BICD2: variants seen among roughly 807,000 people sequenced by gnomAD.
BICD2 encodes protein bicaudal D homolog 2.
A neutral mutation model predicts 72.9 loss-of-function variants in BICD2; 25 were observed. The ratio of observed to expected loss-of-function variants is 0.34; its 90% CI spans 0.25 to 0.48. The LOEUF (loss-of-function observed/expected upper bound fraction) is 0.48, where lower values mean the gene tolerates loss of function less well. Among genes scored for constraint, BICD2 ranks in the 20% least tolerant of loss-of-function variants. The pLI is 0.99. For synonymous variants in BICD2, 501 were observed against 516.1 expected, an observed-to-expected ratio of 0.97 and a Z score of 0.40; for missense variants, 894 against 1,175.2, an observed-to-expected ratio of 0.76 and a Z score of 3.50.
At chr9:92,747,384 C>G (rs796239636) in intron 1 of BICD2, among the ~76,000 whole-genome samples, 1 of 152,190 alleles carries the variant, frequency 6.6e-6, no homozygotes, top group East Asian at 1.9e-4. Flanking sequence ...GGTCTGCATG[C>G]TGGTATGCTT....
chr9:92,759,641 G>A (rs1854330644), intron 1 of BICD2, among the ~76,000 whole-genome samples: 2 of 152,204 alleles, frequency 1.3e-5, no homozygotes, highest in African/African-American at 2.4e-5. Context: ...CGGCTTCAGA[G>A]GCCACACTCT....
At chr9:92,733,782 A>T (rs1379014575) in intron 1 of BICD2, among the ~76,000 whole-genome samples, 1 of 152,076 alleles carries the variant, frequency 6.6e-6, no homozygotes, top group African/African-American at 2.4e-5. Context: ...CCTGGCTAAC[A>T]CAGTGAAACC....
rs1194853459 is a variant in BICD2, at chr9:92,718,549, G to A, written c.2096C>T (p.Ala699Val). ...TGCCTGGCACCTCACCTGCTTGTTG[G>A]CCTTGAGCACAGTGCGCAGCGTGGT... ...QITTLRTVLK[A>V]NKQTAEVALA... The change falls in exon 5 of 7, where the codon GCC becomes GTC. Residue 699 changes from alanine (A) to valine (V), a missense_variant. Ala to Val is a moderately conservative substitution (Grantham distance 64). Transcript: ENST00000356884. 6.2e-7 allele frequency: 1 copy of A among 1,608,400 alleles called. No individual in the cohort carries two copies. The highest frequency in any genetic ancestry group is 8.5e-7 in the Non-Finnish European group (1 of 1,177,066).
chr9:92,727,209 G>A (rs1443122377), intron 2 of BICD2, among the ~76,000 whole-genome samples: 9 of 152,252 alleles, frequency 5.9e-5, no homozygotes, highest in East Asian at 1.9e-4. Context: ...TGCTGACCCC[G>A]AGGGCAGCAT....
intron 1 of BICD2, among the ~76,000 whole-genome samples, chr9:92,730,176 C>T (rs1853652890): frequency 6.6e-6 from 1 of 152,166 alleles, no homozygotes; most frequent in African/African-American, 2.4e-5. Flanking sequence ...TGTGTCACCC[C>T]CAGCAGCCCG....
chr9:92,748,907 G>A (rs925979489), intron 1 of BICD2, among the ~76,000 whole-genome samples: 6 of 152,240 alleles, frequency 3.9e-5, no homozygotes, highest in African/African-American at 1.4e-4. Context: ...TCATCTGAGT[G>A]GGACCATAAG....
chr9:92,751,426 G>A (rs907922475), intron 1 of BICD2, among the ~76,000 whole-genome samples: 1 of 152,140 alleles, frequency 6.6e-6, no homozygotes, highest in South Asian at 2.1e-4. Flanking sequence ...TTACAGGTGT[G>A]AGCCACTGAG....
At position 92,719,243 on chromosome 9, in the gene BICD2, C is replaced by T. The variant is rs753729502; in HGVS notation, c.1402G>A (p.Ala468Thr). Residue 468 changes from alanine to threonine, a missense_variant, in exon 5 of 7, where the codon GCC becomes ACC. This residue lies in a region of BICD2 where 371 missense variants were observed against 439.1 expected (regional missense o/e 0.84). Coordinates refer to ENST00000356884, the MANE Select transcript of BICD2 (RefSeq NM_001003800.2). ...STHEAREAQH[A>T]EEKGRYEAEG... ...GCCTCATAGCGGCCCTTCTCCTCGG[C>T]GTGCTGGGCCTCACGAGCCTCGTGC... 1.8e-5 allele frequency: 29 copies of T among 1,612,666 alleles called. No homozygotes were observed. The highest frequency in any genetic ancestry group is 2.4e-5 in the Non-Finnish European group (28 of 1,179,984).
At chr9:92,735,801 G>T (rs1853777052) in intron 1 of BICD2, among the ~76,000 whole-genome samples, 1 of 152,180 alleles carries the variant, frequency 6.6e-6, no homozygotes, top group African/African-American at 2.4e-5. Context: ...TGGGTCTGGA[G>T]TCACTGGGAC....
chr9:92,726,345 G>A (rs1366952948), intron 2 of BICD2, among the ~76,000 whole-genome samples: 1 of 152,074 alleles, frequency 6.6e-6, no homozygotes, highest in East Asian at 1.9e-4. Context: ...TTGACCCAAG[G>A]GAGGAAAAAA....
chr9:92,763,125 C>T (rs1854405051), intron 1 of BICD2, among the ~76,000 whole-genome samples: 4 of 152,146 alleles, frequency 2.6e-5, no homozygotes, highest in Admixed American at 2.6e-4. Flanking sequence ...TGGGGGAGGA[C>T]CCAGCTCCTG....
Position 92,714,015 on chromosome 9 carries a change from G to A in BICD2, c.*1139C>T. 1 of 986,814 alleles carries A rather than the reference G, an allele frequency of 1.0e-6. No individual in the cohort carries two copies. The highest frequency in any genetic ancestry group is 1.2e-6 in the Non-Finnish European group (1 of 830,860). 61.1% of individuals were successfully genotyped at this position (986,814 alleles called of 1,614,324 possible). On this transcript the variant is annotated 3_prime_UTR_variant, in exon 7 of 7. Transcript: ENST00000356884. The stretch of plus-strand genomic sequence containing the variant: ...TGAGAAAAGTTCTGCTCAGAATGTG[G>A]GAAGGCAGGTGTGGATGGAGCCTCT...
At chr9:92,760,125 C>A (rs1163909917) in intron 1 of BICD2, among the ~76,000 whole-genome samples, 1 of 152,166 alleles carries the variant, frequency 6.6e-6, no homozygotes, top group Non-Finnish European at 1.5e-5. Flanking sequence ...GGCCCAGACT[C>A]CCCCTGTGGA....
At position 92,719,566 on chromosome 9, in the gene BICD2, G is replaced by A. The variant is rs587777884; in HGVS notation, c.1079C>T (p.Ala360Val). 2.9e-5 allele frequency: 46 copies of A among 1,604,082 alleles called. No individual in the cohort carries two copies. The highest frequency in any genetic ancestry group is 2.5e-4 in the South Asian group (23 of 90,402). ...GTCCTGCAGCGTTGCCAGCAGGCCC[G>A]CCTTTTCCCGCTCCATCTGCAAAGG... is the stretch of plus-strand genomic sequence containing the variant. ...QQLMQMEREKAGLLATLQDTQ... is the reference protein window; with the variant it reads ...QQLMQMEREKVGLLATLQDTQ... The change falls in exon 5 of 7, where the codon GCG becomes GTG. Residue 360 changes from alanine to valine, a missense_variant. Physicochemically the swap from Ala to Val is moderately conservative, Grantham distance 64 (BLOSUM62 0). This residue lies in a region of BICD2 where 371 missense variants were observed against 439.1 expected (regional missense o/e 0.84). Coordinates refer to ENST00000356884, the MANE Select transcript of BICD2 (RefSeq NM_001003800.2).
intron 1 of BICD2, among the ~76,000 whole-genome samples, chr9:92,748,461 T>G (rs1202136873): frequency 6.6e-6 from 1 of 152,120 alleles, no homozygotes; most frequent in Non-Finnish European, 1.5e-5. Context: ...TTAGAATTTT[T>G]GAAAGTCCCC....
chr9:92,711,977 TTC>T lies in BICD2; in HGVS notation c.*3175_*3176del, dbSNP rs767276832. ...TGGTTTGCTAAGGAGTTTTAATGAG[TTC>T]TGTTTCCTGAAATTAACAGTGATTA... On this transcript the variant is annotated 3_prime_UTR_variant, in exon 7 of 7. Coordinates refer to ENST00000356884, the MANE Select transcript of BICD2 (RefSeq NM_001003800.2). 3.9e-5 allele frequency: 6 copies of T among 152,510 alleles called. No homozygotes were observed. Among genetic ancestry groups the T allele is most frequent in the Non-Finnish European group, 5.9e-5 (4 of 68,018 alleles). The allele number at this position is 152,510 out of a possible 1,614,324, so 9.4% of individuals were successfully genotyped here.
intron 1 of BICD2, among the ~76,000 whole-genome samples, chr9:92,740,248 C>G (rs994434889): frequency 2.0e-5 from 3 of 152,104 alleles, no homozygotes; most frequent in East Asian, 3.9e-4. Context: ...TCAGAGCAAT[C>G]TAAAAAAGGA....
chr9:92,749,478 C>T (rs981560165), intron 1 of BICD2, among the ~76,000 whole-genome samples: 1 of 152,222 alleles, frequency 6.6e-6, no homozygotes, highest in African/African-American at 2.4e-5. Context: ...TGCTTGTCAC[C>T]AGCCTCTGCC....
Position 92,715,596 on chromosome 9 carries a change from G to A in BICD2, c.2259-133C>T, listed in dbSNP as rs370893344. ...ATCCTTCAATGTGGCCTCTGGACTG[G>A]AGGGTGTGGCTGGGGAAGAATTATT... On this transcript the variant is annotated intron_variant, in intron 6 of 6. Transcript: ENST00000356884. 2.1e-4 allele frequency: 187 copies of A among 879,108 alleles called. 4 individuals carry two copies. The Admixed American group carries it at 5.7e-3, about 27-fold the overall frequency. The allele number at this position is 879,108 out of a possible 1,614,324, so 54.5% of individuals were successfully genotyped here. A position where few individuals can be genotyped will look rare whatever the true frequency, so the allele number is the denominator to read the frequency against.
Sources: allele counts gnomAD v4.1 joint callset (sites outside exome capture counted in the v4.1 genomes callset), GRCh38; gene constraint gnomAD v4.1.1; regional missense constraint gnomAD v4.1.1; transcripts MANE v1.5; gene names NCBI Gene and HGNC (gene_info 2026-07-23, HGNC 2026-07-21).